The following FABP6 variants were observed in gnomAD, a reference collection of about 807,000 sequenced individuals.
FABP6 encodes gastrotropin.
A neutral mutation model predicts 14.9 loss-of-function variants in FABP6; 13 were observed. The observed-to-expected ratio is 0.87, with a 90% CI of 0.57 to 1.39. The LOEUF is 1.39. Among genes scored for constraint, FABP6 ranks in the 40% most tolerant of loss-of-function variants. The probability of loss-of-function intolerance (pLI) is 0.00; values close to 1 mark genes in which losing one functional copy is unlikely to be tolerated. For missense variants in FABP6, 161 were observed against 167.2 expected (o/e 0.96, Z 0.20); for synonymous variants, 75 against 63.6 (o/e 1.18, Z -0.85).
At chr5:160,234,970 C>A in intron 3 of FABP6, 61 bp downstream of exon 3, 1 of 1,494,866 alleles carries the variant, frequency 6.7e-7, no homozygotes, top group Non-Finnish European at 9.2e-7. Flanking sequence ...TTGGCCACAG[C>A]CCCTCAGAAG....
intron 1 of FABP6, chr5:160,195,793 G>A (rs1427678153): frequency 6.6e-6 from 1 of 152,192 alleles, no homozygotes; most frequent in Non-Finnish European, 1.5e-5. Flanking sequence ...CATATTGCAA[G>A]AAGTCCACAG....
At chr5:160,210,800 G>A (rs1345663845) in intron 2 of FABP6, among the ~76,000 whole-genome samples, 1 of 152,134 alleles carries the variant, frequency 6.6e-6, no homozygotes, top group East Asian at 1.9e-4. Context: ...ATTTAATAAG[G>A]CTAAATTACA....
In FABP6 at chr5:160,232,155, A is replaced by C. The variant is rs758956620; in HGVS notation, c.125A>C (p.Gln42Pro). 10 of 1,614,086 alleles carry C rather than the reference A, an allele frequency of 6.2e-6. No homozygotes were observed. The South Asian group carries it at 1.1e-4, about 18-fold the overall frequency. Residue 42 changes from glutamine (Q) to proline (P), a missense_variant, in exon 2 of 4, where the codon CAG becomes CCG. Coordinates refer to ENST00000402432, the MANE Select transcript of FABP6 (RefSeq NM_001445.3). ...ARNFKIVTEV[Q>P]QDGQDFTWSQ... is the part of the protein sequence containing the mutation. ...AACTTCAAGATCGTCACGGAGGTGC[A>C]GCAGGATGGGCAGGACTTCACTTGG... is the stretch of plus-strand genomic sequence containing the variant.
chr5:160,226,949 C>T (rs1470370224), upstream of FABP6, among the ~76,000 whole-genome samples: 4 of 152,152 alleles, frequency 2.6e-5, no homozygotes, highest in Non-Finnish European at 4.4e-5. Context: ...TCTGGGAATT[C>T]ATCCTTAGCA....
rs573166052 is a variant in FABP6 at position 160,204,564 on chromosome 5, A to G, written c.51+5407A>G. Among the ~76,000 whole-genome samples, 48 of 152,064 alleles carry G rather than the reference A, an allele frequency of 3.2e-4. No individual in the cohort carries two copies. In the South Asian group the frequency reaches 9.5e-3, roughly 30 times the overall value. On this transcript the variant is annotated intron_variant, in intron 2 of 6. Coordinates refer to the FABP6 transcript ENST00000393980. ...GAGTGCAGTGGCGCAATCTTGGCTCACTGCAACCTCTGCATCCCGGGTTCA... is the reference window on the plus strand; with the variant it reads ...GAGTGCAGTGGCGCAATCTTGGCTCGCTGCAACCTCTGCATCCCGGGTTCA...
intron 1 of FABP6, among the ~76,000 whole-genome samples, chr5:160,192,516 G>A (rs1416096643): frequency 6.6e-6 from 1 of 152,258 alleles, no homozygotes; most frequent in Non-Finnish European, 1.5e-5. Context: ...CTCAACATAT[G>A]TCTGATGAGC....
At chr5:160,224,960 G>A (rs1242593575), upstream of FABP6, among the ~76,000 whole-genome samples, 2 of 151,742 alleles carry the variant, frequency 1.3e-5, no homozygotes, top group Middle Eastern at 3.2e-3. Flanking sequence ...TGTGTTGTTA[G>A]TAGAGACAGG....
At chr5:160,193,269 C>T (rs936857585) in intron 1 of FABP6, among the ~76,000 whole-genome samples, 18 of 151,736 alleles carry the variant, frequency 1.2e-4, no homozygotes, top group South Asian at 2.1e-4. Context: ...TGGAGTTGTT[C>T]GTTCCTCCCG....
intron 2 of FABP6, chr5:160,199,258 C>A: frequency 8.5e-7 from 1 of 1,169,858 alleles, no homozygotes; most frequent in East Asian, 2.4e-5. Context: ...GCTCGCCTTT[C>A]TCTGTGATGC....
intron 2 of FABP6, among the ~76,000 whole-genome samples, chr5:160,207,706 T>C (rs1302959357): frequency 6.7e-6 from 1 of 150,090 alleles, no homozygotes; most frequent in African/African-American, 2.5e-5. Context: ...GACGGGACTG[T>C]AGGTCATCTT....
intron 3 of FABP6, among the ~76,000 whole-genome samples, chr5:160,236,777 G>A (rs1247215967): frequency 6.6e-6 from 1 of 150,434 alleles, no homozygotes; most frequent in Non-Finnish European, 1.5e-5. Flanking sequence ...TTCAAGACCA[G>A]CCCAGCCAAC....
At chr5:160,203,549 GAA>G (rs1353006661) in intron 2 of FABP6, among the ~76,000 whole-genome samples, 1 of 151,776 alleles carries the variant, frequency 6.6e-6, no homozygotes, top group African/African-American at 2.4e-5. Flanking sequence ...TTTTCTTTGA[GAA>G]AAGGTCTTGC....
At chr5:160,235,345 G>C (rs568775678) in intron 3 of FABP6, among the ~76,000 whole-genome samples, 2 of 152,140 alleles carry the variant, frequency 1.3e-5, no homozygotes, top group South Asian at 2.1e-4. Flanking sequence ...CCTTCTACCA[G>C]ATCTTCTGAT....
At chr5:160,220,556 C>T (rs1213000859) in intron 3 of FABP6, among the ~76,000 whole-genome samples, 5 of 152,076 alleles carry the variant, frequency 3.3e-5, no homozygotes, top group East Asian at 3.9e-4. Flanking sequence ...CTGATTGTGC[C>T]ACTGCACTCC....
At chr5:160,199,878 T>TG (rs1435624255) in intron 2 of FABP6, among the ~76,000 whole-genome samples, 1 of 152,130 alleles carries the variant, frequency 6.6e-6, no homozygotes, top group Non-Finnish European at 1.5e-5. Context: ...CAGGCCGTCC[T>TG]ACAAGAAGTG....
At chr5:160,223,680 G>A (rs1424306505) in intron 3 of FABP6, among the ~76,000 whole-genome samples, 1 of 151,442 alleles carries the variant, frequency 6.6e-6, no homozygotes, top group Non-Finnish European at 1.5e-5. Context: ...TTCCGCCTCG[G>A]CCTCCTATAG....
At chr5:160,199,230 A>C in intron 2 of FABP6, 1 of 1,500,550 alleles carries the variant, frequency 6.7e-7, no homozygotes, top group Non-Finnish European at 9.3e-7. Context: ...TGGGGAGAAC[A>C]CCTTGGGTGG....
chr5:160,188,095 C>T (rs890712065), intron 1 of FABP6, among the ~76,000 whole-genome samples: 24 of 151,986 alleles, frequency 1.6e-4, no homozygotes, highest in African/African-American at 5.8e-4. Context: ...GAGAGGGAAT[C>T]TCCTGAATTC....
intron 1 of FABP6, among the ~76,000 whole-genome samples, chr5:160,193,287 C>G (rs1009658336): frequency 6.6e-6 from 1 of 151,972 alleles, no homozygotes; most frequent in Admixed American, 6.6e-5. Flanking sequence ...CCGGTGGGCT[C>G]GTGGTCTCGC....
Sources: allele counts gnomAD v4.1 joint callset (sites outside exome capture counted in the v4.1 genomes callset), GRCh38; gene constraint gnomAD v4.1.1; transcripts MANE v1.5; gene names NCBI Gene and HGNC (gene_info 2026-07-23, HGNC 2026-07-21).